The following COG6 variants were observed in gnomAD, a reference collection of about 807,000 sequenced individuals.
COG6 encodes component of oligomeric golgi complex 6, also known as conserved oligomeric Golgi complex subunit 6.
In COG6, 74 loss-of-function variants were observed where a neutral mutation model predicts 88.8. The ratio of observed to expected loss-of-function variants is 0.83; its 90% CI spans 0.69 to 1.01. COG6 has a LOEUF of 1.01. COG6 is among the 50% of genes least tolerant of loss of function. The pLI is 0.00. For synonymous variants in COG6, 286 were observed against 278.7 expected (o/e 1.03, Z -0.26); for missense variants, 800 against 797.9 (o/e 1.00, Z -0.03).
At chr13:39,784,114 A>G (rs756503089) in intron 18 of COG6, among the ~76,000 whole-genome samples, 1 of 152,150 alleles carries the variant, frequency 6.6e-6, no homozygotes, top group Non-Finnish European at 1.5e-5. Flanking sequence ...ATACATTAAG[A>G]AGGGATAAGG....
At chr13:39,743,158 T>A (rs1350806694) in intron 18 of COG6, among the ~76,000 whole-genome samples, 1 of 152,020 alleles carries the variant, frequency 6.6e-6, no homozygotes, top group Non-Finnish European at 1.5e-5. Context: ...GCAGGAAAGA[T>A]CTAAAATCGA....
rs189092393 is a variant in COG6, at chr13:39,730,103, C to A, written c.1826+2555C>A. Among the ~76,000 whole-genome samples the A allele has an allele frequency of 4.6e-4, 70 of 152,114 alleles. No individual in the cohort carries two copies. The East Asian group carries it at 0.013, about 29-fold the overall frequency. On this transcript the variant is annotated intron_variant, in intron 18 of 18. Coordinates refer to ENST00000455146, the MANE Select transcript of COG6 (RefSeq NM_020751.3). ...TAAACTTTGTTATTTTATTATCAGACAAATGAACAAGTTTTGGTACTTTTT... is the reference window on the plus strand; with the variant it reads ...TAAACTTTGTTATTTTATTATCAGAAAAATGAACAAGTTTTGGTACTTTTT...
chr13:39,681,466 A>G (rs994710404), intron 7 of COG6, among the ~76,000 whole-genome samples: 10 of 152,136 alleles, frequency 6.6e-5, no homozygotes, highest in African/African-American at 2.4e-4. Context: ...GTGGTTCCCA[A>G]CTGTGGGCTC....
rs546895384 is a variant in COG6 at position 39,671,429 on chromosome 13, G to A, written c.429-6039G>A. 4.2e-4 allele frequency among the ~76,000 whole-genome samples: 63 copies of A among 149,668 alleles called. No individual in the cohort carries two copies. In the South Asian group the frequency reaches 8.2e-3, roughly 19 times the overall value. ...TTTCTTCCTTTTTTTTTGTGGGCAC[G>A]CTTCATTTAAAGTGGCTATTGCTGT... is the stretch of plus-strand genomic sequence containing the variant. On this transcript the variant is annotated intron_variant, in intron 4 of 18. Transcript: ENST00000455146.
At chr13:39,755,441 G>A (rs1415068891), downstream of COG6, among the ~76,000 whole-genome samples, 1 of 152,102 alleles carries the variant, frequency 6.6e-6, no homozygotes, top group Non-Finnish European at 1.5e-5. Context: ...ACTGGGGTGG[G>A]GGTGGGGAAT....
chr13:39,788,875 C>T, exon 19 of COG6: 1 of 155,208 alleles, frequency 6.4e-6, no homozygotes, highest in East Asian at 1.9e-4. Context: ...TTGCTTACTT[C>T]ACCTGGCAGA....
In COG6 at chr13:39,751,590, C is replaced by T. The variant is rs1295214517; in HGVS notation, c.*497C>T. ...ATGTCTCTGTCCCCAAAATAGCTGC[C>T]CTTAAAGAGTTGTTAGCAGAGAGAA... On this transcript the variant is annotated 3_prime_UTR_variant, in exon 19 of 19. Coordinates refer to ENST00000455146, the MANE Select transcript of COG6 (RefSeq NM_020751.3). The T allele has an allele frequency of 7.8e-7, 1 of 1,286,726 alleles. No homozygotes were observed. The highest frequency in any genetic ancestry group is 1.0e-6 in the Non-Finnish European group (1 of 988,660). The allele number at this position is 1,286,726 out of a possible 1,614,324, so 79.7% of individuals were successfully genotyped here. A position where few individuals can be genotyped will look rare whatever the true frequency, so the allele number is the denominator to read the frequency against.
At chr13:39,787,599 T>A (rs568779396) in intron 18 of COG6, among the ~76,000 whole-genome samples, 2 of 152,244 alleles carry the variant, frequency 1.3e-5, no homozygotes, top group East Asian at 3.9e-4. Context: ...GTGTTAACTA[T>A]ATATATATTT....
At chr13:39,658,461 A>G (rs749707508) in intron 1 of COG6, among the ~76,000 whole-genome samples, 1 of 152,054 alleles carries the variant, frequency 6.6e-6, no homozygotes, top group African/African-American at 2.4e-5. Flanking sequence ...TCTCTTTTTC[A>G]TTTGTACTAC....
chr13:39,711,593 C>T (rs1878242129), intron 13 of COG6, among the ~76,000 whole-genome samples: 1 of 152,040 alleles, frequency 6.6e-6, no homozygotes, highest in South Asian at 2.1e-4. Context: ...ATTATTCCTT[C>T]CTCCTCCTTC....
intron 18 of COG6, among the ~76,000 whole-genome samples, chr13:39,734,256 T>G (rs955016929): frequency 6.6e-6 from 1 of 152,130 alleles, no homozygotes; most frequent in African/African-American, 2.4e-5. Context: ...AGTTTCCTTT[T>G]AGTACTGCTT....
chr13:39,683,531 A>G (rs553139271), intron 8 of COG6, among the ~76,000 whole-genome samples: 31 of 152,300 alleles, frequency 2.0e-4, no homozygotes, highest in South Asian at 4.1e-4. Context: ...ATAGCCCTGA[A>G]TGTTGTGCAT....
chr13:39,704,973 C>T (rs1186539980), intron 13 of COG6, among the ~76,000 whole-genome samples: 3 of 152,070 alleles, frequency 2.0e-5, no homozygotes, highest in African/African-American at 7.2e-5. Context: ...GTATCTACAA[C>T]CATTTCAGGT....
At chr13:39,727,376 C>T (rs957203163) in intron 17 of COG6, 93 bp from the exon 18 acceptor site, 10 of 956,228 alleles carry the variant, frequency 1.0e-5, no homozygotes, top group Admixed American at 1.7e-5. Flanking sequence ...GAATTTTTCT[C>T]AAGGATTTAA....
At chr13:39,765,165 G>A (rs1463955943) in intron 18 of COG6, among the ~76,000 whole-genome samples, 3 of 152,024 alleles carry the variant, frequency 2.0e-5, no homozygotes, top group Non-Finnish European at 2.9e-5. Context: ...AAAAAGAGTC[G>A]CTAAGAGACT....
At chr13:39,766,360 G>A (rs1044901473) in intron 18 of COG6, among the ~76,000 whole-genome samples, 3 of 152,176 alleles carry the variant, frequency 2.0e-5, no homozygotes, top group Non-Finnish European at 4.4e-5. Flanking sequence ...TGGCACTCAA[G>A]GAAACTGGGC....
intron 18 of COG6, among the ~76,000 whole-genome samples, chr13:39,776,141 G>T (rs1223723379): frequency 6.6e-6 from 1 of 152,100 alleles, no homozygotes; most frequent in East Asian, 1.9e-4. Flanking sequence ...AAAAGATAAA[G>T]AAAACAACTA....
intron 13 of COG6, among the ~76,000 whole-genome samples, chr13:39,704,384 G>T (rs1355486478): frequency 1.3e-5 from 2 of 152,082 alleles, no homozygotes; most frequent in Non-Finnish European, 2.9e-5. Context: ...ATTTTTTGTT[G>T]TATGTATTAT....
intron 4 of COG6, among the ~76,000 whole-genome samples, chr13:39,675,172 A>G (rs1875894330): frequency 6.6e-6 from 1 of 152,148 alleles, no homozygotes; most frequent in Non-Finnish European, 1.5e-5. Flanking sequence ...ATGTTATGTT[A>G]ATATTTATCT....
Sources: gnomAD v4.1 joint callset for allele counts (sites outside exome capture counted in the v4.1 genomes callset) on GRCh38, gnomAD v4.1.1 for gene constraint, MANE v1.5 for transcripts, NCBI Gene and HGNC (gene_info 2026-07-23, HGNC 2026-07-21) for gene names.